The following CDH18 variants were observed in gnomAD, a reference collection of about 807,000 sequenced individuals.
The protein encoded by CDH18 is cadherin-18.
Under a neutral mutation model 67.9 loss-of-function variants are expected in CDH18, and 31 were observed. That is an observed-to-expected ratio of 0.46 (90% CI 0.34 to 0.62). The LOEUF (loss-of-function observed/expected upper bound fraction) is 0.62, where lower values mean the gene tolerates loss of function less well. Among genes scored for constraint, CDH18 ranks in the 20% least tolerant of loss-of-function variants. The pLI, the probability that CDH18 is intolerant of heterozygous loss-of-function variation, is 0.01. For synonymous variants in CDH18, 362 were observed against 347.2 expected (o/e 1.04, Z -0.48); for missense variants, 890 against 975.5 (o/e 0.91, Z 1.17).
intron 2 of CDH18, among the ~76,000 whole-genome samples, chr5:20,072,357 T>C (rs1743553194): frequency 6.6e-6 from 1 of 152,060 alleles, no homozygotes. Flanking sequence ...GATTAAAGTT[T>C]CTTGATAAAT....
chr5:19,584,690 G>A (rs1238722178), intron 7 of CDH18, among the ~76,000 whole-genome samples: 1 of 145,298 alleles, frequency 6.9e-6, no homozygotes, highest in Admixed American at 7.2e-5. Context: ...GCTCACACCT[G>A]TAATCCCAGC....
intron 1 of CDH18, among the ~76,000 whole-genome samples, chr5:20,385,971 TGTA>T (rs1744282136): frequency 1.3e-5 from 2 of 152,306 alleles, no homozygotes. Context: ...ATTTCATAGG[TGTA>T]GTTGTTACAC....
intron 2 of CDH18, among the ~76,000 whole-genome samples, chr5:20,098,778 CAGG>C (rs775305491): frequency 4.6e-5 from 7 of 151,854 alleles, no homozygotes; most frequent in Non-Finnish European, 8.8e-5. Context: ...TATTTTATTG[CAGG>C]AGAACTAAAG....
chr5:20,537,374 T>TG (rs1309708970), intron 1 of CDH18, among the ~76,000 whole-genome samples: 4 of 147,568 alleles, frequency 2.7e-5, no homozygotes, highest in Non-Finnish European at 6.0e-5. Context: ...ATTATAACAA[T>TG]GCTAACATGT....
intron 2 of CDH18, among the ~76,000 whole-genome samples, chr5:20,202,363 A>G (rs1029708004): frequency 2.0e-5 from 3 of 152,202 alleles, no homozygotes; most frequent in Non-Finnish European, 4.4e-5. Flanking sequence ...ATGCACCAAA[A>G]GAGCTTGGGA....
At chr5:19,889,492 G>A (rs536066830) in intron 2 of CDH18, among the ~76,000 whole-genome samples, 1 of 152,030 alleles carries the variant, frequency 6.6e-6, no homozygotes, top group East Asian at 1.9e-4. Context: ...ATATTTAGGG[G>A]AGACTCTGGC....
chr5:19,937,452 C>G (rs1331327823), intron 2 of CDH18, among the ~76,000 whole-genome samples: 1 of 151,328 alleles, frequency 6.6e-6, no homozygotes, highest in Non-Finnish European at 1.5e-5. Flanking sequence ...ATATTGAAAA[C>G]AGAAACTCTA....
chr5:20,063,258 T>C (rs1433498705), intron 2 of CDH18, among the ~76,000 whole-genome samples: 1 of 151,620 alleles, frequency 6.6e-6, no homozygotes, highest in Non-Finnish European at 1.5e-5. Context: ...AAAGTATTAT[T>C]CCCAGTACCT....
chr5:19,812,556 G>C (rs528834960), intron 3 of CDH18, among the ~76,000 whole-genome samples: 1 of 152,178 alleles, frequency 6.6e-6, no homozygotes, highest in East Asian at 1.9e-4. Context: ...CCACCAAACA[G>C]ATAGAAACTC....
At chr5:19,620,078 T>C (rs1750455552) in intron 5 of CDH18, among the ~76,000 whole-genome samples, 1 of 152,218 alleles carries the variant, frequency 6.6e-6, no homozygotes, top group African/African-American at 2.4e-5. Context: ...CTGCAAGCTA[T>C]GACTCATGGA....
chr5:19,581,241 T>C (rs1743203183), intron 7 of CDH18, among the ~76,000 whole-genome samples: 1 of 151,960 alleles, frequency 6.6e-6, no homozygotes, highest in African/African-American at 2.4e-5. Context: ...TAAATTTTAG[T>C]TTCTTAATTT....
Position 19,483,444 on chromosome 5 carries a change from C to A in CDH18, c.1739G>T (p.Ser580Ile), listed in dbSNP as rs1739831655. The change falls in exon 12 of 13, where the codon AGC (serine) becomes ATC (isoleucine). Residue 580 changes from serine (S) to isoleucine (I), a missense_variant. Around this residue, in one of 2 missense-constraint regions of CDH18, gnomAD observed 656 missense variants for 668.1 expected, o/e 0.98. Coordinates refer to ENST00000382275, the MANE Select transcript of CDH18 (RefSeq NM_004934.5). ...AACCCTGATGGTGAGGGTGCTGCTG[C>A]TGCTGAGAGAGGGGATTCCACCATC... ...ISDGGIPSLSSSSTLTIRVCA... is the reference protein window; with the variant it reads ...ISDGGIPSLSISSTLTIRVCA... 1.9e-6 allele frequency: 3 copies of A among 1,614,092 alleles called. No homozygotes were observed. Among genetic ancestry groups the A allele is most frequent in the South Asian group, 2.2e-5 (2 of 91,084 alleles).
intron 2 of CDH18, among the ~76,000 whole-genome samples, chr5:19,902,804 C>T (rs1190883859): frequency 6.6e-6 from 1 of 152,284 alleles, no homozygotes; most frequent in East Asian, 1.9e-4. Flanking sequence ...TATTTCAGAA[C>T]TTTGGTTTCC....
intron 2 of CDH18, among the ~76,000 whole-genome samples, chr5:20,220,254 A>G (rs977261798): frequency 1.3e-5 from 2 of 151,980 alleles, no homozygotes; most frequent in Non-Finnish European, 2.9e-5. Flanking sequence ...AAGCAAAACA[A>G]CAATGTAGTG....
intron 3 of CDH18, among the ~76,000 whole-genome samples, chr5:19,793,509 T>C (rs1267525234): frequency 6.6e-6 from 1 of 152,092 alleles, no homozygotes; most frequent in East Asian, 1.9e-4. Flanking sequence ...TCAGATATAG[T>C]CCAGGGATGC....
intron 5 of CDH18, among the ~76,000 whole-genome samples, chr5:19,706,145 C>T (rs1161788612): frequency 2.0e-5 from 3 of 152,130 alleles, no homozygotes; most frequent in Non-Finnish European, 4.4e-5. Context: ...ACACAATTAA[C>T]TGAAAATGCT....
intron 2 of CDH18, among the ~76,000 whole-genome samples, chr5:20,009,804 A>G (rs1481216004): frequency 6.6e-6 from 1 of 152,168 alleles, no homozygotes; most frequent in African/African-American, 2.4e-5. Flanking sequence ...AATAATGCCA[A>G]TAATGCCAGT....
At chr5:20,370,224 G>A (rs905529318) in intron 1 of CDH18, among the ~76,000 whole-genome samples, 6 of 151,386 alleles carry the variant, frequency 4.0e-5, no homozygotes, top group African/African-American at 1.2e-4. Context: ...CCTTGTCACC[G>A]TCATCATTAT....
At chr5:20,570,695 C>T (rs769803290) in intron 1 of CDH18, among the ~76,000 whole-genome samples, 9 of 152,076 alleles carry the variant, frequency 5.9e-5, no homozygotes, top group East Asian at 1.9e-4. Context: ...AGGGCTGGCT[C>T]AAGGATGAAG....
Sources: allele counts gnomAD v4.1 joint callset (sites outside exome capture counted in the v4.1 genomes callset), GRCh38; gene constraint gnomAD v4.1.1; regional missense constraint gnomAD v4.1.1; transcripts MANE v1.5; gene names NCBI Gene and HGNC (gene_info 2026-07-23, HGNC 2026-07-21).